CCDC60: variants seen among roughly 807,000 people sequenced by gnomAD.
CCDC60 encodes coiled-coil domain-containing protein 60.
A neutral mutation model predicts 63.5 loss-of-function variants in CCDC60; 54 were observed. The observed-to-expected ratio is 0.85, with a 90% CI of 0.68 to 1.07. The LOEUF is 1.07. Ranked by LOEUF, CCDC60 falls within the 50% of genes least tolerant of loss-of-function variation. The pLI is 0.00. For synonymous variants in CCDC60, 206 were observed against 238.8 expected, an observed-to-expected ratio of 0.86 and a Z score of 1.27; for missense variants, 651 against 684.3, an observed-to-expected ratio of 0.95 and a Z score of 0.54.
At position 119,540,769 on chromosome 12, in the gene CCDC60, G is replaced by A. The variant is rs1032053569; in HGVS notation, c.*54G>A. Reference sequence around the variant, plus strand: ...GTGGAGGAGTGTTTGCCTATATCATGTTCCTGTATCCTGCCTGTGTTCCTG... The same window carrying A: ...GTGGAGGAGTGTTTGCCTATATCATATTCCTGTATCCTGCCTGTGTTCCTG... On this transcript the variant is annotated 3_prime_UTR_variant, in exon 14 of 14. Transcript: ENST00000327554. The A allele has an allele frequency of 4.0e-6, 5 of 1,264,364 alleles. No homozygotes were observed. The African/African-American group carries it at 7.3e-5, about 19-fold the overall frequency. 78.3% of individuals were successfully genotyped at this position (1,264,364 alleles called of 1,614,324 possible). A position where few individuals can be genotyped will look rare whatever the true frequency, so the allele number is the denominator to read the frequency against.
At chr12:119,512,744 C>A (rs1167989828) in intron 7 of CCDC60, among the ~76,000 whole-genome samples, 1 of 152,230 alleles carries the variant, frequency 6.6e-6, no homozygotes, top group African/African-American at 2.4e-5. Flanking sequence ...CCAGTGGAGA[C>A]AGCCATCTAG....
chr12:119,419,074 G>C (rs2136214531), intron 1 of CCDC60, among the ~76,000 whole-genome samples: 1 of 152,328 alleles, frequency 6.6e-6, no homozygotes, highest in Non-Finnish European at 1.5e-5. Flanking sequence ...CCTTGTGCTT[G>C]GGCTCAATCA....
At chr12:119,386,252 A>T (rs1214108389) in intron 1 of CCDC60, among the ~76,000 whole-genome samples, 1 of 151,784 alleles carries the variant, frequency 6.6e-6, no homozygotes, top group Non-Finnish European at 1.5e-5. Context: ...CAGTCCTCAA[A>T]CCTCCCTGTT....
Position 119,520,802 on chromosome 12 carries a change from A to G in CCDC60, c.1040+610A>G, listed in dbSNP as rs557273747. Among the ~76,000 whole-genome samples the G allele has an allele frequency of 2.0e-5, 3 of 152,280 alleles. No individual in the cohort carries two copies. In the South Asian group the frequency reaches 6.2e-4, roughly 32 times the overall value. Reference sequence around the variant, plus strand: ...AGTGATCCACCTCCCTTGGCCTTCTAAATACTGGAATTACAGGCATGAGCC... The same window carrying G: ...AGTGATCCACCTCCCTTGGCCTTCTGAATACTGGAATTACAGGCATGAGCC... On this transcript the variant is annotated intron_variant, in intron 9 of 13. Coordinates refer to ENST00000327554, the MANE Select transcript of CCDC60 (RefSeq NM_178499.5).
At chr12:119,460,419 T>C (rs1041581629) in intron 2 of CCDC60, among the ~76,000 whole-genome samples, 3 of 152,250 alleles carry the variant, frequency 2.0e-5, no homozygotes, top group African/African-American at 7.2e-5. Flanking sequence ...CTTAATTTAA[T>C]TGACATGTGT....
intron 9 of CCDC60, among the ~76,000 whole-genome samples, chr12:119,521,102 C>T (rs563630568): frequency 6.6e-6 from 1 of 152,280 alleles, no homozygotes; most frequent in East Asian, 1.9e-4. Context: ...TGCTATATTA[C>T]AATCAAATTT....
At chr12:119,408,696 G>A (rs1424995352) in intron 1 of CCDC60, among the ~76,000 whole-genome samples, 1 of 152,014 alleles carries the variant, frequency 6.6e-6, no homozygotes, top group East Asian at 1.9e-4. Context: ...CGTGGTGGCG[G>A]GCGCCTGTAG....
chr12:119,501,389 A>G (rs953464199), intron 6 of CCDC60, among the ~76,000 whole-genome samples: 4 of 152,228 alleles, frequency 2.6e-5, no homozygotes, highest in African/African-American at 9.7e-5. Context: ...TTGGGGGCTC[A>G]GAGAGGTTAA....
intron 5 of CCDC60, among the ~76,000 whole-genome samples, chr12:119,499,439 TGTAA>T (rs1312497263): frequency 9.8e-5 from 15 of 152,372 alleles, no homozygotes; most frequent in Admixed American, 5.2e-4. Flanking sequence ...TTCGTTTCAC[TGTAA>T]GTAAGTGACT....
intron 1 of CCDC60, among the ~76,000 whole-genome samples, chr12:119,367,547 G>T (rs985098909): frequency 1.3e-5 from 2 of 152,178 alleles, no homozygotes; most frequent in African/African-American, 2.4e-5. Context: ...GGAGGTCTGA[G>T]TCCCAGGTTT....
At chr12:119,433,426 CCAAA>C in intron 2 of CCDC60, 1 of 702,276 alleles carries the variant, frequency 1.4e-6, no homozygotes, top group South Asian at 1.5e-5. Context: ...GGGGAAAAGG[CCAAA>C]CAGAGAAGCC....
chr12:119,464,025 C>G (rs1205264098), intron 2 of CCDC60, among the ~76,000 whole-genome samples: 3 of 150,544 alleles, frequency 2.0e-5, no homozygotes, highest in African/African-American at 7.4e-5. Flanking sequence ...TTCCTTCCTT[C>G]TTCCTTTTTT....
chr12:119,360,584 C>G (rs1390615365), intron 1 of CCDC60, among the ~76,000 whole-genome samples: 3 of 151,612 alleles, frequency 2.0e-5, no homozygotes, highest in Non-Finnish European at 4.4e-5. Flanking sequence ...GGGTGGCGGC[C>G]GGGCAGAGGC....
intron 4 of CCDC60, among the ~76,000 whole-genome samples, chr12:119,485,027 G>T (rs549978863): frequency 6.6e-6 from 1 of 152,348 alleles, no homozygotes; most frequent in East Asian, 1.9e-4. Context: ...ATCAAGGAAG[G>T]CTTCCGGATG....
chr12:119,521,507 C>T (rs1322584324), intron 9 of CCDC60, among the ~76,000 whole-genome samples: 1 of 152,070 alleles, frequency 6.6e-6, no homozygotes, highest in Non-Finnish European at 1.5e-5. Context: ...GGAGAATTGA[C>T]TAGGCTATGA....
intron 7 of CCDC60, among the ~76,000 whole-genome samples, chr12:119,511,029 G>A (rs1952203627): frequency 6.6e-6 from 1 of 152,138 alleles, no homozygotes; most frequent in Admixed American, 6.5e-5. Context: ...CTCCCCACAA[G>A]TGTGCAACAG....
At chr12:119,408,750 T>TG (rs1956539661) in intron 1 of CCDC60, among the ~76,000 whole-genome samples, 1 of 151,778 alleles carries the variant, frequency 6.6e-6, no homozygotes, top group African/African-American at 2.4e-5. Flanking sequence ...GGTGTGAACC[T>TG]GGAGGCAGAG....
intron 1 of CCDC60, among the ~76,000 whole-genome samples, chr12:119,372,494 T>C (rs1266042940): frequency 2.0e-5 from 3 of 151,922 alleles, no homozygotes; most frequent in Non-Finnish European, 4.4e-5. Flanking sequence ...GGTCCCAGGG[T>C]AACATAAATC....
intron 1 of CCDC60, among the ~76,000 whole-genome samples, chr12:119,427,834 C>G (rs914523230): frequency 6.6e-6 from 1 of 152,124 alleles, no homozygotes; most frequent in African/African-American, 2.4e-5. Flanking sequence ...GACTTTTATA[C>G]TAAAATATAA....
Sources: gnomAD v4.1 joint callset for allele counts (sites outside exome capture counted in the v4.1 genomes callset) on GRCh38, gnomAD v4.1.1 for gene constraint, MANE v1.5 for transcripts, NCBI Gene and HGNC (gene_info 2026-07-23, HGNC 2026-07-21) for gene names.